The following ZFAT variants were observed in gnomAD, a reference collection of about 807,000 sequenced individuals.
ZFAT encodes zinc finger and AT-hook domain containing.
In ZFAT, 64 loss-of-function variants were observed where a neutral mutation model predicts 117.7. That is an observed-to-expected ratio of 0.54 (90% CI 0.44 to 0.67). The LOEUF (loss-of-function observed/expected upper bound fraction) is 0.67, where lower values mean the gene tolerates loss of function less well. Ranked by LOEUF, ZFAT falls within the 30% of genes least tolerant of loss-of-function variation. The pLI, the probability that ZFAT is intolerant of heterozygous loss-of-function variation, is 0.00. For synonymous variants in ZFAT, 679 were observed against 615.0 expected (o/e 1.10, Z -1.54); for missense variants, 1,433 against 1,584.5 (o/e 0.90, Z 1.62).
chr8:134,713,473 C>G (rs898221277), upstream of ZFAT, among the ~76,000 whole-genome samples: 1 of 152,242 alleles, frequency 6.6e-6, no homozygotes, highest in Non-Finnish European at 1.5e-5. Context: ...CCGCTCAAAG[C>G]TGCGGCGTTT....
chr8:134,493,813 C>T (rs904054106), intron 15 of ZFAT, among the ~76,000 whole-genome samples: 1 of 152,180 alleles, frequency 6.6e-6, no homozygotes, highest in Non-Finnish European at 1.5e-5. Context: ...CCCCTCCACA[C>T]CATCATGCCA....
intron 2 of ZFAT, among the ~76,000 whole-genome samples, chr8:134,644,748 T>TCA (rs564994352): frequency 6.6e-6 from 1 of 151,308 alleles, no homozygotes; most frequent in South Asian, 2.1e-4. Flanking sequence ...ATATTCACAA[T>TCA]CACACACACA....
chr8:134,568,476 C>G (rs1378052474), intron 10 of ZFAT, among the ~76,000 whole-genome samples: 2 of 152,200 alleles, frequency 1.3e-5, no homozygotes, highest in African/African-American at 4.8e-5. Flanking sequence ...TTCTTCACCA[C>G]TAGAGTGGGG....
chr8:134,712,346 G>A (rs1814032677), intron 1 of ZFAT, among the ~76,000 whole-genome samples: 1 of 152,222 alleles, frequency 6.6e-6, no homozygotes, highest in Admixed American at 6.5e-5. Flanking sequence ...AGGACCCCAA[G>A]CTCAAGGTTA....
At chr8:134,528,423 G>A (rs1821169183) in intron 12 of ZFAT, among the ~76,000 whole-genome samples, 1 of 152,122 alleles carries the variant, frequency 6.6e-6, no homozygotes, top group African/African-American at 2.4e-5. Flanking sequence ...AAATTAAGAT[G>A]TCTAAAAATC....
intron 3 of ZFAT, among the ~76,000 whole-genome samples, chr8:134,623,916 C>T (rs1230952638): frequency 1.3e-5 from 2 of 152,086 alleles, no homozygotes; most frequent in African/African-American, 4.8e-5. Context: ...TCCACAAGCT[C>T]TCCCAATACC....
chr8:134,491,107 TA>T (rs2130134146), intron 15 of ZFAT, among the ~76,000 whole-genome samples: 1 of 152,358 alleles, frequency 6.6e-6, no homozygotes, highest in Non-Finnish European at 1.5e-5. Context: ...AGGATAAAAA[TA>T]AACAATAACA....
At chr8:134,650,711 A>G (rs1439472299) in intron 2 of ZFAT, among the ~76,000 whole-genome samples, 2 of 152,222 alleles carry the variant, frequency 1.3e-5, no homozygotes, top group Non-Finnish European at 2.9e-5. Flanking sequence ...GAAGAGACGT[A>G]TTGATCAATG....
chr8:134,657,683 G>C lies in ZFAT; in HGVS notation c.74C>G (p.Ser25Trp). The change falls in exon 2 of 16, where the codon TCG (serine) becomes TGG (tryptophan). Residue 25 changes from serine (S) to tryptophan (W), a missense_variant. By Grantham distance (177) the Ser-to-Trp change is radical. Around this residue, in one of 5 missense-constraint regions of ZFAT, gnomAD observed 436 missense variants for 482.0 expected, o/e 0.90. Transcript: ENST00000377838. ...KCCNLFSPNQSELLSHVSEKH... is the reference protein window; with the variant it reads ...KCCNLFSPNQWELLSHVSEKH... Reference sequence around the variant, plus strand: ...CTCTGAAACGTGGGAGAGGAGTTCCGACTGATTTGGTGAGAAGAGGTTACA... The same window carrying C: ...CTCTGAAACGTGGGAGAGGAGTTCCCACTGATTTGGTGAGAAGAGGTTACA... 1.9e-6 allele frequency: 3 copies of C among 1,614,030 alleles called. No individual in the cohort carries two copies. The highest frequency in any genetic ancestry group is 2.5e-6 in the Non-Finnish European group (3 of 1,180,010).
chr8:134,778,513 G>A, the ZFAT span, among the ~76,000 whole-genome samples: 1 of 152,188 alleles, frequency 6.6e-6, no homozygotes, highest in Non-Finnish European at 1.5e-5. Context: ...CTGCTCGTCA[G>A]TCTATCCGTT....
chr8:134,759,221 C>T, the ZFAT span, among the ~76,000 whole-genome samples: 10 of 152,106 alleles, frequency 6.6e-5, no homozygotes, highest in Admixed American at 4.6e-4. Flanking sequence ...CTTATTTGAC[C>T]CTCACAACGG....
chr8:134,563,612 T>C (rs576012897), intron 11 of ZFAT, among the ~76,000 whole-genome samples: 40 of 152,314 alleles, frequency 2.6e-4, no homozygotes, highest in Non-Finnish European at 4.7e-4. Flanking sequence ...TCAGTGGATA[T>C]AGCCATGGCA....
chr8:134,769,184 C>A, the ZFAT span, among the ~76,000 whole-genome samples: 2 of 151,924 alleles, frequency 1.3e-5, no homozygotes, highest in African/African-American at 4.8e-5. Context: ...AGCACCTCCA[C>A]CCCCCAAAAA....
chr8:134,490,014 G>A (rs1168186301), intron 15 of ZFAT, among the ~76,000 whole-genome samples: 1 of 152,172 alleles, frequency 6.6e-6, no homozygotes, highest in Non-Finnish European at 1.5e-5. Flanking sequence ...CAGCTCCACT[G>A]TGAAATGCAG....
In ZFAT at chr8:134,588,152, T is replaced by C. The variant is rs991891214; in HGVS notation, c.2713+94A>G. 12 of 1,377,496 alleles carry C rather than the reference T, an allele frequency of 8.7e-6. No homozygotes were observed. In the Admixed American group the frequency reaches 2.9e-4, roughly 33 times the overall value. The allele number at this position is 1,377,496 out of a possible 1,614,324, so 85.3% of individuals were successfully genotyped here. A position where few individuals can be genotyped will look rare whatever the true frequency, so the allele number is the denominator to read the frequency against. On this transcript the variant is annotated intron_variant, in intron 9 of 15. Transcript: ENST00000377838. ...GCTAAGGAAATTCTAACAGCAGGGATGTGAAGATACGGCTTCCTCTTAATG... is the reference window on the plus strand; with the variant it reads ...GCTAAGGAAATTCTAACAGCAGGGACGTGAAGATACGGCTTCCTCTTAATG...
At chr8:134,640,809 A>C (rs1160429516) in intron 2 of ZFAT, among the ~76,000 whole-genome samples, 1 of 152,208 alleles carries the variant, frequency 6.6e-6, no homozygotes, top group East Asian at 1.9e-4. Flanking sequence ...GAATAATTTA[A>C]GCTCTGAAAA....
At chr8:134,805,008 CA>C in the ZFAT span, 2 of 490,838 alleles carry the variant, frequency 4.1e-6, no homozygotes, top group African/African-American at 4.0e-5. Flanking sequence ...TCATCATCTT[CA>C]GCTAATAATT....
At chr8:134,754,968 T>C in the ZFAT span, among the ~76,000 whole-genome samples, 1 of 152,184 alleles carries the variant, frequency 6.6e-6, no homozygotes, top group South Asian at 2.1e-4. Context: ...GTCTCGGAGA[T>C]AGGGCAAAAA....
intron 4 of ZFAT, 81 bp from the exon 5 acceptor site, chr8:134,608,960 C>T: frequency 6.7e-7 from 1 of 1,485,152 alleles, no homozygotes. Context: ...GGGGATGGTG[C>T]TGGGAAGTCT....
Sources: gnomAD v4.1 joint callset for allele counts (sites outside exome capture counted in the v4.1 genomes callset) on GRCh38, gnomAD v4.1.1 for gene constraint, gnomAD v4.1.1 regional missense constraint, MANE v1.5 for transcripts, NCBI Gene and HGNC (gene_info 2026-07-23, HGNC 2026-07-21) for gene names.